The following NLGN1 variants were observed in gnomAD, a reference collection of about 807,000 sequenced individuals.
NLGN1 encodes neuroligin 1.
In NLGN1, 12 loss-of-function variants were observed where a neutral mutation model predicts 65.5. That is an observed-to-expected ratio of 0.18 (90% CI 0.12 to 0.30). The LOEUF (loss-of-function observed/expected upper bound fraction) is 0.30. Among genes scored for constraint, NLGN1 ranks in the 10% least tolerant of loss-of-function variants. The pLI is 1.00. For missense variants in NLGN1, 750 were observed against 1,007.1 expected (o/e 0.74, Z 3.46); for synonymous variants, 350 against 359.5 (o/e 0.97, Z 0.30).
chr3:174,000,391 A>C (rs1201928663), intron 4 of NLGN1, among the ~76,000 whole-genome samples: 1 of 152,154 alleles, frequency 6.6e-6, no homozygotes, highest in Non-Finnish European at 1.5e-5. Flanking sequence ...ATATGTAACA[A>C]ATTCAACTGG....
chr3:173,958,925 C>T (rs892018415), intron 4 of NLGN1, among the ~76,000 whole-genome samples: 5 of 152,198 alleles, frequency 3.3e-5, no homozygotes, highest in South Asian at 2.1e-4. Context: ...TGAGCATGCA[C>T]GCACCTGGCC....
chr3:173,564,066 C>G (rs982036882), intron 2 of NLGN1, among the ~76,000 whole-genome samples: 3 of 152,242 alleles, frequency 2.0e-5, no homozygotes, highest in Non-Finnish European at 4.4e-5. Context: ...TCTTGCTTCC[C>G]TCCTTTCCCT....
chr3:173,908,361 T>C (rs1366053287), intron 4 of NLGN1, among the ~76,000 whole-genome samples: 2 of 152,214 alleles, frequency 1.3e-5, no homozygotes, highest in Non-Finnish European at 2.9e-5. Context: ...TTTTTGAAAG[T>C]AATTTTTATA....
chr3:173,771,003 G>A (rs552067893), intron 3 of NLGN1, among the ~76,000 whole-genome samples: 1 of 152,234 alleles, frequency 6.6e-6, no homozygotes, highest in South Asian at 2.1e-4. Context: ...TTCCTCAGCT[G>A]GCAGCGTTCT....
At chr3:173,446,455 C>T (rs1378888893) in intron 2 of NLGN1, among the ~76,000 whole-genome samples, 2 of 152,118 alleles carry the variant, frequency 1.3e-5, no homozygotes, top group South Asian at 2.1e-4. Context: ...TTTCTTAATC[C>T]AGTCTATCAT....
At chr3:174,122,481 A>C (rs1054278560) in intron 4 of NLGN1, among the ~76,000 whole-genome samples, 1 of 152,156 alleles carries the variant, frequency 6.6e-6, no homozygotes, top group African/African-American at 2.4e-5. Flanking sequence ...ATCCACCAGG[A>C]TCCCTTAGTC....
At chr3:173,420,691 A>G (rs1299825423) in intron 1 of NLGN1, among the ~76,000 whole-genome samples, 2 of 152,214 alleles carry the variant, frequency 1.3e-5, no homozygotes, top group African/African-American at 4.8e-5. Context: ...TTACAGTCCC[A>G]CCAACAGTGT....
chr3:173,940,825 G>A lies in NLGN1; in HGVS notation c.646+132993G>A, dbSNP rs117726432. Among the ~76,000 whole-genome samples, 294 of 152,154 alleles carry A rather than the reference G, an allele frequency of 1.9e-3. 7 individuals are homozygous for A. The East Asian group carries it at 0.051, about 26-fold the overall frequency. On this transcript the variant is annotated intron_variant, in intron 4 of 6. Transcript: ENST00000457714. ...ATATCTACGTGCATTTGCCTATGAC[G>A]TATTCTTAGAACTAGCCAACTGCTT...
Position 173,636,565 on chromosome 3 carries a change from T to C in NLGN1, c.493+31474T>C, listed in dbSNP as rs371986012. Among the ~76,000 whole-genome samples, 7 of 152,072 alleles carry C rather than the reference T, an allele frequency of 4.6e-5. No homozygotes were observed. The East Asian group carries it at 1.2e-3, about 25-fold the overall frequency. On this transcript the variant is annotated intron_variant, in intron 3 of 6. Coordinates refer to ENST00000457714, the Ensembl canonical transcript of NLGN1. ...TTAGCATATCGTTTTTTTTTGCTCT[T>C]CAGACTGGAATATTCTTTGGTATGA...
At chr3:174,294,241 A>T in the NLGN1 span, among the ~76,000 whole-genome samples, 1 of 151,744 alleles carries the variant, frequency 6.6e-6, no homozygotes, top group Non-Finnish European at 1.5e-5. Context: ...TCTTATGCTT[A>T]TAAGCCATTG....
At chr3:173,645,981 C>G (rs771773688) in intron 3 of NLGN1, among the ~76,000 whole-genome samples, 5 of 152,128 alleles carry the variant, frequency 3.3e-5, no homozygotes, top group Non-Finnish European at 5.9e-5. Flanking sequence ...TGCCCTCCCC[C>G]TTTTCCTTGT....
chr3:173,671,217 T>G (rs780096026), intron 3 of NLGN1, among the ~76,000 whole-genome samples: 2 of 152,322 alleles, frequency 1.3e-5, no homozygotes, highest in East Asian at 3.9e-4. Context: ...ATTGAATCCC[T>G]TGCCCAGGCA....
chr3:173,698,046 A>C (rs1049727789), intron 3 of NLGN1, among the ~76,000 whole-genome samples: 1 of 132,582 alleles, frequency 7.5e-6, no homozygotes, highest in Non-Finnish European at 1.6e-5. Context: ...AAAAAAAAAA[A>C]ACAAACTTAT....
At chr3:173,673,719 T>C (rs1373809460) in intron 3 of NLGN1, among the ~76,000 whole-genome samples, 1 of 152,160 alleles carries the variant, frequency 6.6e-6, no homozygotes, top group Non-Finnish European at 1.5e-5. Flanking sequence ...CACAAAGCCA[T>C]GTACTTTTTT....
intron 2 of NLGN1, among the ~76,000 whole-genome samples, chr3:173,577,303 G>A (rs988606036): frequency 3.9e-5 from 6 of 152,100 alleles, no homozygotes; most frequent in Admixed American, 2.0e-4. Context: ...TATACTTTCT[G>A]TTATCACATA....
At chr3:174,189,412 C>T (rs1051227711) in intron 4 of NLGN1, among the ~76,000 whole-genome samples, 2 of 151,892 alleles carry the variant, frequency 1.3e-5, no homozygotes, top group African/African-American at 4.8e-5. Flanking sequence ...TGAATTCAAC[C>T]ACCAACCAAT....
At chr3:173,876,117 C>T (rs1176041043) in intron 4 of NLGN1, among the ~76,000 whole-genome samples, 1 of 152,020 alleles carries the variant, frequency 6.6e-6, no homozygotes, top group Admixed American at 6.6e-5. Flanking sequence ...TCCTGGAAGG[C>T]AGTAACATAT....
rs187314152 is a variant in NLGN1 at position 174,273,422 on chromosome 3, G to A, written c.647-1893G>A. Reference sequence around the variant, plus strand: ...TCTGTCTTTATAGACCAAAACATTTGTAAGAGAATCTTTCAGAAGTTTAAA... The same window carrying A: ...TCTGTCTTTATAGACCAAAACATTTATAAGAGAATCTTTCAGAAGTTTAAA... On this transcript the variant is annotated intron_variant, in intron 4 of 6. Transcript: ENST00000457714. Among the ~76,000 whole-genome samples the A allele has an allele frequency of 5.1e-4, 78 of 151,676 alleles. 1 individual carries two copies. Among genetic ancestry groups the A allele is most frequent in the African/African-American group, 1.8e-3 (75 of 41,484 alleles).
chr3:173,887,642 T>C (rs966135033), intron 4 of NLGN1, among the ~76,000 whole-genome samples: 8 of 151,984 alleles, frequency 5.3e-5, no homozygotes, highest in African/African-American at 1.9e-4. Flanking sequence ...TTAACCAATA[T>C]ATTATGTTGC....
Sources: gnomAD v4.1 joint callset for allele counts (sites outside exome capture counted in the v4.1 genomes callset) on GRCh38, gnomAD v4.1.1 for gene constraint, MANE v1.5 for transcripts, NCBI Gene and HGNC (gene_info 2026-07-23, HGNC 2026-07-21) for gene names.